RAPGEF2: variants seen among roughly 807,000 people sequenced by gnomAD.
RAPGEF2 encodes the protein PDZ domain containing guanine nucleotide exchange factor (GEF) 1.
In RAPGEF2, 54 loss-of-function variants were observed where a neutral mutation model predicts 186.7. The ratio of observed to expected loss-of-function variants is 0.29; its 90% CI spans 0.23 to 0.36. RAPGEF2 has a LOEUF of 0.36. Ranked by LOEUF, RAPGEF2 falls within the 10% of genes least tolerant of loss-of-function variation. The pLI, the probability that RAPGEF2 is intolerant of heterozygous loss-of-function variation, is 1.00. For missense variants in RAPGEF2, 1,532 were observed against 2,045.0 expected (o/e 0.75, Z 4.84); for synonymous variants, 712 against 705.9 (o/e 1.01, Z -0.14).
rs145544379 is a variant in RAPGEF2 at position 159,220,161 on chromosome 4, A to T, written c.281+9578A>T. On this transcript the variant is annotated intron_variant, in intron 4 of 29. Transcript: ENST00000691494. Reference sequence around the variant, plus strand: ...GAAAGAAGAATTGGTGAAACAGAAAATTTCATCATATCAAAAAATTTCATT... The same window carrying T: ...GAAAGAAGAATTGGTGAAACAGAAATTTTCATCATATCAAAAAATTTCATT... 3.8e-3 allele frequency among the ~76,000 whole-genome samples: 580 copies of T among 152,256 alleles called. 5 individuals carry two copies. The highest frequency in any genetic ancestry group is 0.013 in the African/African-American group (520 of 41,544).
At position 159,339,270 on chromosome 4, in the gene RAPGEF2, C is replaced by G; in HGVS notation, c.2450C>G (p.Ser817Cys). ...TPDQYSLCEV[S>C]VTPEGVIKQR... is the part of the protein sequence containing the mutation. ...GATCAATATTCACTATGTGAGGTCT[C>G]TGTCACACCTGAGGGAGTAATCAAA... Residue 817 changes from serine (S) to cysteine (C), a missense_variant, in exon 19 of 30, where the codon TCT becomes TGT. Coordinates refer to ENST00000691494, the MANE Select transcript of RAPGEF2 (RefSeq NM_001394067.2). 1.2e-6 allele frequency: 2 copies of G among 1,614,118 alleles called. No homozygotes were observed.
At chr4:159,252,393 A>G (rs1755567178) in intron 7 of RAPGEF2, among the ~76,000 whole-genome samples, 1 of 152,224 alleles carries the variant, frequency 6.6e-6, no homozygotes, top group Non-Finnish European at 1.5e-5. Flanking sequence ...TGTTTCAATC[A>G]TCAGGACTTT....
At chr4:159,144,879 GTTTTTTTTTTTTT>G (rs137978885) in intron 1 of RAPGEF2, among the ~76,000 whole-genome samples, 5 of 92,318 alleles carry the variant, frequency 5.4e-5, no homozygotes, top group East Asian at 3.6e-4. Context: ...CTTTCTTCCT[GTTTTTTTTTTTTT>G]TTTTTTTTTT....
intron 16 of RAPGEF2, 28 bp from the exon 17 acceptor site, chr4:159,332,423 G>C: frequency 1.3e-6 from 2 of 1,593,328 alleles, no homozygotes; most frequent in Non-Finnish European, 1.7e-6. Flanking sequence ...TTGCCATTAC[G>C]TGGTGTTTCT....
intron 4 of RAPGEF2, among the ~76,000 whole-genome samples, chr4:159,234,110 A>G (rs1752962418): frequency 6.6e-6 from 1 of 151,976 alleles, no homozygotes; most frequent in African/African-American, 2.4e-5. Flanking sequence ...TTATTATAAG[A>G]CTTACTAAAA....
chr4:159,246,334 TGTA>T (rs544698112), intron 7 of RAPGEF2, among the ~76,000 whole-genome samples: 40 of 152,276 alleles, frequency 2.6e-4, no homozygotes, highest in East Asian at 9.6e-4. Context: ...TAATTTCTGT[TGTA>T]GTCAGTGATA....
chr4:159,164,106 G>A (rs1378752500), intron 1 of RAPGEF2, among the ~76,000 whole-genome samples: 4 of 151,686 alleles, frequency 2.6e-5, no homozygotes, highest in African/African-American at 7.3e-5. Context: ...CTGGGTTCAC[G>A]CCATTCTCCT....
chr4:159,342,298 G>A (rs1364879386), intron 20 of RAPGEF2, among the ~76,000 whole-genome samples: 6 of 151,640 alleles, frequency 4.0e-5, no homozygotes, highest in African/African-American at 7.3e-5. Flanking sequence ...TAACAATACC[G>A]CAAAGAGTTA....
chr4:159,211,154 A>G (rs1245079075), intron 4 of RAPGEF2, among the ~76,000 whole-genome samples: 2 of 152,078 alleles, frequency 1.3e-5, no homozygotes, highest in Non-Finnish European at 1.5e-5. Flanking sequence ...TATGTCCCTA[A>G]TGTTTACATT....
chr4:159,340,110 A>G (rs1006658915), intron 19 of RAPGEF2, among the ~76,000 whole-genome samples: 20 of 152,174 alleles, frequency 1.3e-4, no homozygotes, highest in African/African-American at 4.8e-4. Flanking sequence ...TGGTTGCTAC[A>G]CTCAAAATTA....
At chr4:159,235,212 C>T (rs1237066920) in intron 4 of RAPGEF2, among the ~76,000 whole-genome samples, 5 of 152,192 alleles carry the variant, frequency 3.3e-5, no homozygotes, top group African/African-American at 1.2e-4. Context: ...TCTATAAGGG[C>T]ATGCATTGTA....
intron 4 of RAPGEF2, among the ~76,000 whole-genome samples, chr4:159,231,990 G>C (rs543721441): frequency 6.6e-6 from 1 of 152,102 alleles, no homozygotes; most frequent in African/African-American, 2.4e-5. Flanking sequence ...CTCTTCCTTG[G>C]TTCCTAAGAT....
chr4:159,287,465 G>A (rs763559717), intron 7 of RAPGEF2, among the ~76,000 whole-genome samples: 9 of 152,036 alleles, frequency 5.9e-5, no homozygotes, highest in Non-Finnish European at 1.2e-4. Context: ...AACTGTCTTT[G>A]AAGGCCTTCA....
chr4:159,322,142 A>T (rs187776219), intron 9 of RAPGEF2, among the ~76,000 whole-genome samples: 1 of 152,242 alleles, frequency 6.6e-6, no homozygotes. Context: ...CTCTAATTCA[A>T]CAAGTAAGAG....
intron 1 of RAPGEF2, among the ~76,000 whole-genome samples, chr4:159,178,560 T>TG (rs1746690766): frequency 7.3e-6 from 1 of 137,176 alleles, no homozygotes; most frequent in African/African-American, 2.8e-5. Flanking sequence ...GCTTTTTTTT[T>TG]TTTTTTTTTT....
intron 7 of RAPGEF2, among the ~76,000 whole-genome samples, chr4:159,251,916 G>C (rs933578418): frequency 1.3e-5 from 2 of 151,818 alleles, no homozygotes; most frequent in African/African-American, 4.8e-5. Context: ...TCACGCTTTG[G>C]GTCTGCCACG....
rs572468865 is a variant in RAPGEF2 at position 159,203,298 on chromosome 4, C to A, written c.198-7202C>A. ...TACCTTACCTGGGTTCCTGTCTATT[C>A]AGTTCATTAATTTACTTATTAAGAA... On this transcript the variant is annotated intron_variant, in intron 3 of 29. Coordinates refer to ENST00000691494, the MANE Select transcript of RAPGEF2 (RefSeq NM_001394067.2). 2.1e-4 allele frequency among the ~76,000 whole-genome samples: 32 copies of A among 152,124 alleles called. 1 individual carries two copies. Among genetic ancestry groups the A allele is most frequent in the South Asian group, 4.1e-4 (2 of 4,830 alleles).
At chr4:159,222,529 T>G (rs1188733518) in intron 4 of RAPGEF2, among the ~76,000 whole-genome samples, 1 of 152,164 alleles carries the variant, frequency 6.6e-6, no homozygotes, top group Non-Finnish European at 1.5e-5. Context: ...GATTTTAGAG[T>G]CTGATGTTTG....
At chr4:159,136,669 GTTGAA>G (rs749181371) in intron 1 of RAPGEF2, among the ~76,000 whole-genome samples, 31 of 152,174 alleles carry the variant, frequency 2.0e-4, no homozygotes, top group African/African-American at 6.7e-4. Context: ...TGTTGAATAT[GTTGAA>G]TTGAATTGAA....
Sources: allele counts gnomAD v4.1 joint callset (sites outside exome capture counted in the v4.1 genomes callset), GRCh38; gene constraint gnomAD v4.1.1; transcripts MANE v1.5; gene names NCBI Gene and HGNC (gene_info 2026-07-23, HGNC 2026-07-21).